SBF2: variants seen among roughly 807,000 people sequenced by gnomAD.
SBF2 encodes myotubularin-related protein 13.
SBF2 carries 112 observed loss-of-function variants against 225.2 expected under a neutral mutation model. That is an observed-to-expected ratio of 0.50 (90% CI 0.43 to 0.58). The LOEUF is 0.58. SBF2 is among the 20% of genes least tolerant of loss of function. The pLI, the probability that SBF2 is intolerant of heterozygous loss-of-function variation, is 0.00. For missense variants in SBF2, 1,996 were observed against 2,206.2 expected, an observed-to-expected ratio of 0.90 and a Z score of 1.91; for synonymous variants, 763 against 773.3, an observed-to-expected ratio of 0.99 and a Z score of 0.22.
intron 2 of SBF2, among the ~76,000 whole-genome samples, chr11:10,101,012 G>A (rs1455847303): frequency 1.3e-5 from 2 of 152,166 alleles, no homozygotes; most frequent in Non-Finnish European, 2.9e-5. Context: ...CTTGGTTAGG[G>A]ATCTGGATTT....
intron 2 of SBF2, among the ~76,000 whole-genome samples, chr11:10,152,433 C>T (rs1415936963): frequency 6.6e-6 from 1 of 151,936 alleles, no homozygotes; most frequent in Non-Finnish European, 1.5e-5. Context: ...CCTGTAATCC[C>T]AGCTGGTCGG....
intron 2 of SBF2, among the ~76,000 whole-genome samples, chr11:10,091,819 G>A (rs1409398179): frequency 3.3e-5 from 5 of 152,124 alleles, no homozygotes; most frequent in African/African-American, 9.7e-5. Flanking sequence ...AAGAAAGCAC[G>A]AACTGATCTA....
chr11:9,782,874 GAA>G (rs56057774), intron 38 of SBF2, among the ~76,000 whole-genome samples: 74 of 114,790 alleles, frequency 6.4e-4, no homozygotes, highest in Admixed American at 8.5e-4. Flanking sequence ...TGTCTCAAAA[GAA>G]AAAAAAAAAA....
intron 16 of SBF2, among the ~76,000 whole-genome samples, chr11:9,940,170 G>C (rs1590543739): frequency 1.3e-5 from 2 of 152,116 alleles, no homozygotes; most frequent in East Asian, 3.8e-4. Flanking sequence ...TTGGAAGGCT[G>C]AGGCAGGCGG....
At chr11:9,822,731 T>C (rs1854841832) in intron 28 of SBF2, among the ~76,000 whole-genome samples, 1 of 152,196 alleles carries the variant, frequency 6.6e-6, no homozygotes, top group Non-Finnish European at 1.5e-5. Flanking sequence ...TTATTTCCTC[T>C]ACTCTGTTCT....
chr11:10,099,898 A>T (rs983554229), intron 2 of SBF2, among the ~76,000 whole-genome samples: 5 of 152,204 alleles, frequency 3.3e-5, no homozygotes, highest in African/African-American at 4.8e-5. Flanking sequence ...ATAAAAAAAT[A>T]AAGTTACAAT....
rs571519467 is a variant in SBF2 at position 10,034,902 on chromosome 11, T to C, written c.280-3732A>G. On this transcript the variant is annotated intron_variant, in intron 3 of 39. Coordinates refer to ENST00000256190, the MANE Select transcript of SBF2 (RefSeq NM_030962.4). Reference sequence around the variant, plus strand: ...TTGCCAAATAATCTTTTAATCAAGTTGACATGTCTACATGATCAAACCAGG... The same window carrying C: ...TTGCCAAATAATCTTTTAATCAAGTCGACATGTCTACATGATCAAACCAGG... Among the ~76,000 whole-genome samples, 52 of 152,322 alleles carry C rather than the reference T, an allele frequency of 3.4e-4. No homozygotes were observed. In the South Asian group the frequency reaches 4.8e-3, roughly 14 times the overall value.
At chr11:9,858,476 T>A in intron 17 of SBF2, 80 bp from the exon 18 acceptor site, 1 of 1,361,444 alleles carries the variant, frequency 7.3e-7, no homozygotes, top group Non-Finnish European at 1.0e-6. Flanking sequence ...CCACAGTTAA[T>A]CATAGATGAG....
chr11:10,152,178 A>G (rs1373303073), intron 2 of SBF2, among the ~76,000 whole-genome samples: 1 of 152,200 alleles, frequency 6.6e-6, no homozygotes, highest in African/African-American at 2.4e-5. Flanking sequence ...ATCTTAAAAC[A>G]TAACTTAAAA....
chr11:9,790,792 A>T, intron 33 of SBF2, 109 bp from the exon 34 acceptor site: 1 of 821,492 alleles, frequency 1.2e-6, no homozygotes, highest in Non-Finnish European at 2.0e-6. Flanking sequence ...TTATGGCTTT[A>T]AAAACAGCAA....
At chr11:10,069,053 G>A (rs1233233770) in intron 2 of SBF2, among the ~76,000 whole-genome samples, 2 of 151,986 alleles carry the variant, frequency 1.3e-5, no homozygotes, top group African/African-American at 4.8e-5. Context: ...ACCTACATAT[G>A]TATGTGTGCA....
chr11:9,971,368 G>C (rs922342575), intron 13 of SBF2, among the ~76,000 whole-genome samples: 8 of 151,826 alleles, frequency 5.3e-5, no homozygotes, highest in African/African-American at 1.9e-4. Flanking sequence ...AATGACTTGG[G>C]GTGGTTTAGA....
At chr11:9,989,406 G>A (rs879912107) in intron 13 of SBF2, 91 bp downstream of exon 13, 12 of 782,188 alleles carry the variant, frequency 1.5e-5, no homozygotes, top group South Asian at 6.8e-5. Context: ...GCTCACTCAC[G>A]TAACCACGTA....
At chr11:10,016,130 C>A (rs930510450) in intron 6 of SBF2, among the ~76,000 whole-genome samples, 1 of 152,004 alleles carries the variant, frequency 6.6e-6, no homozygotes, top group African/African-American at 2.4e-5. Flanking sequence ...AAAGGATAAC[C>A]GATTTACAAG....
At chr11:10,256,152 C>T (rs1317306490) in intron 1 of SBF2, among the ~76,000 whole-genome samples, 3 of 152,136 alleles carry the variant, frequency 2.0e-5, no homozygotes, top group Non-Finnish European at 4.4e-5. Flanking sequence ...AATCAGGCTT[C>T]ACTGACAACT....
intron 16 of SBF2, among the ~76,000 whole-genome samples, chr11:9,941,587 G>A (rs1313244522): frequency 6.6e-6 from 1 of 152,146 alleles, no homozygotes; most frequent in African/African-American, 2.4e-5. Flanking sequence ...AGATAGAGCT[G>A]TACAAAAAGC....
At position 9,858,211 on chromosome 11, in the gene SBF2, TTTC is replaced by T; in HGVS notation, c.2100+12_2100+14del. On this transcript the variant is annotated intron_variant, in intron 18 of 39. Transcript: ENST00000256190. ...CCTAATCCCACACAATTAGAGTTCT[TTTC>T]TTCTCTCTTACCTTTTGCTTCAGAT... 1.9e-6 allele frequency: 3 copies of T among 1,613,906 alleles called. No homozygotes were observed. Among genetic ancestry groups the T allele is most frequent in the Non-Finnish European group, 2.5e-6 (3 of 1,179,870 alleles).
intron 2 of SBF2, chr11:10,044,691 C>T (rs1242372828): frequency 6.5e-6 from 1 of 153,388 alleles, no homozygotes. Flanking sequence ...CTTGTACTTT[C>T]TCATTTTTAG....
intron 1 of SBF2, among the ~76,000 whole-genome samples, chr11:10,279,941 G>A (rs1429321744): frequency 2.0e-5 from 3 of 152,174 alleles, no homozygotes; most frequent in African/African-American, 4.8e-5. Context: ...GAGCCACCAC[G>A]CCTGGCCGAT....
Sources: gnomAD v4.1 joint callset for allele counts (sites outside exome capture counted in the v4.1 genomes callset) on GRCh38, gnomAD v4.1.1 for gene constraint, MANE v1.5 for transcripts, NCBI Gene and HGNC (gene_info 2026-07-23, HGNC 2026-07-21) for gene names.